Variants in IFT140 observed in about 807,000 individuals in gnomAD.
IFT140 encodes the protein intraflagellar transport 140, also known as intraflagellar transport protein 140 homolog.
A neutral mutation model predicts 164.6 loss-of-function variants in IFT140; 133 were observed. That is an observed-to-expected ratio of 0.81 (90% CI 0.70 to 0.93). The LOEUF (loss-of-function observed/expected upper bound fraction) is 0.93, where lower values mean the gene tolerates loss of function less well. IFT140 is among the 40% of genes least tolerant of loss of function. IFT140 has a pLI of 0.00. For missense variants in IFT140, 2,045 were observed against 1,972.3 expected (o/e 1.04, Z -0.70); for synonymous variants, 860 against 817.3 (o/e 1.05, Z -0.89).
chr16:1,598,939 G>A (rs955377795), intron 4 of IFT140, among the ~76,000 whole-genome samples: 1 of 147,078 alleles, frequency 6.8e-6, no homozygotes, highest in Non-Finnish European at 1.5e-5. Flanking sequence ...GAGCGTCTCC[G>A]CCCGGCCGCC....
rs541040687 is a variant in IFT140, at chr16:1,586,461, G to C, written c.1010-186C>G. Reference sequence around the variant, plus strand: ...TGCCCTGACCTCACAGTGCCAGTGCGGGGGTGGTGGGGGATGCTGCTCTCC... The same window carrying C: ...TGCCCTGACCTCACAGTGCCAGTGCCGGGGTGGTGGGGGATGCTGCTCTCC... On this transcript the variant is annotated intron_variant, in intron 9 of 30. Coordinates refer to ENST00000426508, the MANE Select transcript of IFT140 (RefSeq NM_014714.4). Among the ~76,000 whole-genome samples, 3 of 152,282 alleles carry C rather than the reference G, an allele frequency of 2.0e-5. No individual in the cohort carries two copies. The East Asian group carries it at 5.8e-4, about 29-fold the overall frequency.
Position 1,520,292 on chromosome 16 carries a change from C to A in IFT140, c.3712G>T (p.Ala1238Ser), listed in dbSNP as rs376953801. The change falls in exon 28 of 31, where the codon GCG becomes TCG. Residue 1238 changes from alanine to serine, a missense_variant. Ala to Ser is a moderately conservative substitution (Grantham distance 99, BLOSUM62 1). Transcript: ENST00000426508. The stretch of plus-strand genomic sequence containing the variant: ...ATTTCCTTCTGCCTGGACACGCTCG[C>A]GAAGAACGTGATTTTCTCCGTGTCT... Reference protein sequence around the residue: ...SGDTEKITFFASVSRQKEIYI... With the variant: ...SGDTEKITFFSSVSRQKEIYI... The A allele has an allele frequency of 1.2e-6, 2 of 1,614,050 alleles. No individual in the cohort carries two copies. The highest frequency in any genetic ancestry group is 2.7e-5 in the African/African-American group (2 of 74,904).
At chr16:1,524,522 C>T (rs774540848) in intron 24 of IFT140, 30 bp downstream of exon 24, 26 of 1,608,298 alleles carry the variant, frequency 1.6e-5, no homozygotes, top group East Asian at 6.7e-5. Flanking sequence ...CCTCGAGAAG[C>T]GCCGGCTCCC....
In IFT140 at chr16:1,523,942, G is replaced by C; in HGVS notation, c.3156C>G (p.Asp1052Glu). 1.2e-6 allele frequency: 2 copies of C among 1,612,334 alleles called. No individual in the cohort carries two copies. The highest frequency in any genetic ancestry group is 4.5e-5 in the East Asian group (2 of 44,884). Reference protein sequence around the residue: ...AIRLCKENGLDDQLMNLALLS... With the variant: ...AIRLCKENGLEDQLMNLALLS... ...GCAGGGCCAAGTTCATGAGCTGGTC[G>C]TCCAGGCCGTTCTCCTGCAGGGAGG... The change falls in exon 25 of 31, where the codon GAC becomes GAG. Residue 1052 changes from aspartate to glutamate, a missense_variant. Transcript: ENST00000426508.
intron 11 of IFT140, 34 bp from the exon 12 acceptor site, chr16:1,583,420 C>G (rs373595674): frequency 6.2e-7 from 1 of 1,600,018 alleles, no homozygotes; most frequent in South Asian, 1.1e-5. Flanking sequence ...AGGCAAAGGG[C>G]GGGAAAAGTG....
At chr16:1,590,454 C>T (rs1444215290) in intron 6 of IFT140, among the ~76,000 whole-genome samples, 1 of 152,176 alleles carries the variant, frequency 6.6e-6, no homozygotes, top group East Asian at 1.9e-4. Flanking sequence ...TACTCCCTGT[C>T]CTTTCTGCCC....
intron 7 of IFT140, 53 bp from the exon 8 acceptor site, chr16:1,588,077 C>A: frequency 6.6e-7 from 1 of 1,519,500 alleles, no homozygotes; most frequent in South Asian, 1.2e-5. Context: ...GACGGCCTGT[C>A]CCGGCTTCAG....
intron 19 of IFT140, chr16:1,530,892 T>C (rs1029715219): frequency 3.3e-5 from 5 of 152,322 alleles, no homozygotes; most frequent in African/African-American, 1.2e-4. Flanking sequence ...ATGTGCTGTA[T>C]GTGCGGCCAC....
chr16:1,586,320 G>T (rs750619423), intron 9 of IFT140, 45 bp from the exon 10 acceptor site: 1 of 1,565,548 alleles, frequency 6.4e-7, no homozygotes, highest in Middle Eastern at 1.7e-4. Context: ...TAAAAAAAGG[G>T]AACAAAACAG....
chr16:1,548,313 C>A (rs984761814), intron 19 of IFT140, among the ~76,000 whole-genome samples: 1 of 152,210 alleles, frequency 6.6e-6, no homozygotes, highest in Non-Finnish European at 1.5e-5. Flanking sequence ...CACTCTGCCA[C>A]CTGTGTGCAT....
At chr16:1,513,254 C>G (rs1346593238) in intron 30 of IFT140, 1 of 152,168 alleles carries the variant, frequency 6.6e-6, no homozygotes, top group Non-Finnish European at 1.5e-5. Context: ...CTTTGGGAGG[C>G]CGAGGTGGGC....
At chr16:1,558,225 G>A (rs2033213103) in intron 18 of IFT140, 91 bp from the exon 19 acceptor site, 8 of 1,263,056 alleles carry the variant, frequency 6.3e-6, no homozygotes, top group Middle Eastern at 4.6e-4. Context: ...GCTCCCTTAT[G>A]GGGGAGAAAT....
chr16:1,520,875 G>T, intron 26 of IFT140, 67 bp from the exon 27 acceptor site: 1 of 1,449,028 alleles, frequency 6.9e-7, no homozygotes, highest in Non-Finnish European at 9.4e-7. Flanking sequence ...CCCCTCATCT[G>T]CCACCGCTTC....
At chr16:1,586,403 T>C in intron 9 of IFT140, 128 bp from the exon 10 acceptor site, 1 of 857,088 alleles carries the variant, frequency 1.2e-6, no homozygotes, top group Non-Finnish European at 1.7e-6. Flanking sequence ...CTCCACCTCA[T>C]CCCTGGCTGC....
chr16:1,551,193 G>C lies in IFT140; in HGVS notation c.2399+6742C>G, dbSNP rs1242208669. Among the ~76,000 whole-genome samples, 1 of 152,260 alleles carries C rather than the reference G, an allele frequency of 6.6e-6. No individual in the cohort carries two copies. Among genetic ancestry groups the C allele is most frequent in the African/African-American group, 2.4e-5 (1 of 41,472 alleles). ...GACTTCTGGGAAGCTGTGGTCAATGGTGGGGCAAGTTCTGGCCCCGGGGAG... is the reference window on the plus strand; with the variant it reads ...GACTTCTGGGAAGCTGTGGTCAATGCTGGGGCAAGTTCTGGCCCCGGGGAG... On this transcript the variant is annotated intron_variant, in intron 19 of 30. Coordinates refer to ENST00000426508, the MANE Select transcript of IFT140 (RefSeq NM_014714.4). The surrounding 1 kb of genome is among the most constrained non-coding windows in gnomAD (Gnocchi z 4.0).
intron 4 of IFT140, among the ~76,000 whole-genome samples, chr16:1,598,523 T>C (rs1235393516): frequency 6.6e-6 from 1 of 152,026 alleles, no homozygotes; most frequent in African/African-American, 2.4e-5. Flanking sequence ...AAGAGAAACA[T>C]AAATGAAAAT....
chr16:1,552,465 G>C (rs1219229370), intron 19 of IFT140, among the ~76,000 whole-genome samples: 1 of 152,080 alleles, frequency 6.6e-6, no homozygotes, highest in African/African-American at 2.4e-5. Flanking sequence ...GAAAGTGCCA[G>C]ACCCCGTAAA....
intron 4 of IFT140, among the ~76,000 whole-genome samples, chr16:1,598,908 T>C (rs534753946): frequency 5.5e-5 from 8 of 145,448 alleles, no homozygotes; most frequent in East Asian, 2.1e-4. Context: ...CTCTGCCTGG[T>C]TGCCCAGTCT....
At chr16:1,584,540 C>T (rs1483058149) in intron 10 of IFT140, 120 bp from the exon 11 acceptor site, 7 of 765,088 alleles carry the variant, frequency 9.1e-6, no homozygotes, top group East Asian at 8.1e-5. Context: ...ACCATTGTTC[C>T]GGACTTAAAA....
Sources: allele counts gnomAD v4.1 joint callset (sites outside exome capture counted in the v4.1 genomes callset), GRCh38; gene constraint gnomAD v4.1.1; non-coding constraint Gnocchi (gnomAD v3.1); transcripts MANE v1.5; gene names NCBI Gene and HGNC (gene_info 2026-07-23, HGNC 2026-07-21).